Variants in EEFSEC observed in about 807,000 individuals in gnomAD.
EEFSEC encodes selenocysteine-specific elongation factor.
A neutral mutation model predicts 42.1 loss-of-function variants in EEFSEC; 43 were observed. That is an observed-to-expected ratio of 1.02 (90% confidence interval 0.80 to 1.32). EEFSEC has a LOEUF of 1.32. Among genes scored for constraint, EEFSEC ranks in the 40% most tolerant of loss-of-function variants. The pLI, the probability that EEFSEC is intolerant of heterozygous loss-of-function variation, is 0.00. For synonymous variants in EEFSEC, 354 were observed against 339.1 expected (o/e 1.04, Z -0.48); for missense variants, 745 against 803.6 (o/e 0.93, Z 0.88).
intron 1 of EEFSEC, among the ~76,000 whole-genome samples, chr3:128,220,896 C>A (rs2065855110): frequency 6.6e-6 from 1 of 152,248 alleles, no homozygotes; most frequent in Non-Finnish European, 1.5e-5. Context: ...GCACAGCTGG[C>A]AGTGCCAGGG....
At chr3:128,287,259 G>T (rs1176288799) in intron 4 of EEFSEC, among the ~76,000 whole-genome samples, 1 of 152,152 alleles carries the variant, frequency 6.6e-6, no homozygotes, top group Non-Finnish European at 1.5e-5. Context: ...AGGTGGAGAT[G>T]AGCTCAGAGA....
Position 128,169,532 on chromosome 3 carries a change from T to C in EEFSEC, c.316+15709T>C, listed in dbSNP as rs982621329. On this transcript the variant is annotated intron_variant, in intron 1 of 6. Coordinates refer to ENST00000254730, the MANE Select transcript of EEFSEC (RefSeq NM_021937.5). ...GCCTGGTCTCACTATGGCTATCCTA[T>C]TGGCCTTTATCCATCCTTAGTCTTA... 2.2e-4 allele frequency among the ~76,000 whole-genome samples: 33 copies of C among 152,226 alleles called. 1 individual carries two copies. The highest frequency in any genetic ancestry group is 1.5e-5 in the Non-Finnish European group (1 of 68,042).
chr3:128,403,019 G>C (rs1158229148), intron 6 of EEFSEC, among the ~76,000 whole-genome samples: 1 of 152,160 alleles, frequency 6.6e-6, no homozygotes, highest in Non-Finnish European at 1.5e-5. Flanking sequence ...AAGAGCTATA[G>C]GAAAAATAGT....
At chr3:128,185,305 T>C (rs1052327210) in intron 1 of EEFSEC, among the ~76,000 whole-genome samples, 1 of 152,112 alleles carries the variant, frequency 6.6e-6, no homozygotes, top group Non-Finnish European at 1.5e-5. Flanking sequence ...TTATTCATCA[T>C]TTTATAACTT....
At chr3:128,387,237 G>A (rs540105491) in intron 6 of EEFSEC, among the ~76,000 whole-genome samples, 1 of 152,316 alleles carries the variant, frequency 6.6e-6, no homozygotes, top group Admixed American at 6.5e-5. Context: ...TGGCTCCTGA[G>A]GACAGAGGCA....
At chr3:128,419,210 AAAG>A in the EEFSEC span, among the ~76,000 whole-genome samples, 2 of 152,204 alleles carry the variant, frequency 1.3e-5, no homozygotes, top group South Asian at 4.1e-4. Context: ...ATGTGTGCAC[AAAG>A]AAGTGGGGCA....
chr3:128,255,586 A>C (rs2066233896), intron 2 of EEFSEC, among the ~76,000 whole-genome samples: 1 of 152,230 alleles, frequency 6.6e-6, no homozygotes, highest in Non-Finnish European at 1.5e-5. Flanking sequence ...AGACTGGCGC[A>C]GAGGAAGTAC....
At chr3:128,259,249 G>A (rs943623834) in intron 2 of EEFSEC, among the ~76,000 whole-genome samples, 12 of 152,172 alleles carry the variant, frequency 7.9e-5, no homozygotes, top group African/African-American at 2.9e-4. Flanking sequence ...GAAGGTAAGG[G>A]TGGCTCTTCC....
chr3:128,378,690 C>G (rs1374003594), intron 6 of EEFSEC, among the ~76,000 whole-genome samples: 1 of 152,200 alleles, frequency 6.6e-6, no homozygotes. Flanking sequence ...AGGCAGCCCT[C>G]TCTCCTGTGC....
chr3:128,275,334 G>C (rs771976374), intron 4 of EEFSEC, among the ~76,000 whole-genome samples: 1 of 152,234 alleles, frequency 6.6e-6, no homozygotes, highest in South Asian at 2.1e-4. Flanking sequence ...ATCTTTGACT[G>C]TCTGAAGACC....
chr3:128,265,707 T>C (rs2066346395), intron 4 of EEFSEC, among the ~76,000 whole-genome samples: 1 of 152,162 alleles, frequency 6.6e-6, no homozygotes, highest in Admixed American at 6.5e-5. Context: ...GCATGTTAAT[T>C]GGGAATGGCT....
rs183729684 is a variant in EEFSEC at position 128,214,732 on chromosome 3, A to G, written c.317-32104A>G. Among the ~76,000 whole-genome samples the G allele has an allele frequency of 6.6e-5, 10 of 152,360 alleles. No homozygotes were observed. The East Asian group carries it at 1.9e-3, about 29-fold the overall frequency. ...GTTAACACTAGAATATTAATGATGTATGATAGGATTATAGAATTACCTGGG... is the reference window on the plus strand; with the variant it reads ...GTTAACACTAGAATATTAATGATGTGTGATAGGATTATAGAATTACCTGGG... On this transcript the variant is annotated intron_variant, in intron 1 of 6. Coordinates refer to ENST00000254730, the MANE Select transcript of EEFSEC (RefSeq NM_021937.5).
At chr3:128,231,045 C>T (rs971798728) in intron 1 of EEFSEC, among the ~76,000 whole-genome samples, 1 of 152,150 alleles carries the variant, frequency 6.6e-6, no homozygotes, top group African/African-American at 2.4e-5. Context: ...TATAGGACTG[C>T]ACTGTCCCCC....
chr3:128,382,348 C>T (rs1478294767), intron 6 of EEFSEC, among the ~76,000 whole-genome samples: 1 of 152,234 alleles, frequency 6.6e-6, no homozygotes, highest in Non-Finnish European at 1.5e-5. Flanking sequence ...CAACCCTATG[C>T]CCTCGTCTCA....
chr3:128,301,069 A>G (rs569495994), intron 4 of EEFSEC, among the ~76,000 whole-genome samples: 2 of 152,338 alleles, frequency 1.3e-5, no homozygotes, highest in East Asian at 3.9e-4. Context: ...GATGGAGAAG[A>G]ACCTATCAGC....
At chr3:128,280,792 C>A (rs1335516038) in intron 4 of EEFSEC, among the ~76,000 whole-genome samples, 1 of 152,220 alleles carries the variant, frequency 6.6e-6, no homozygotes, top group Non-Finnish European at 1.5e-5. Context: ...TCACTAGCCG[C>A]CCTGCATGAT....
intron 4 of EEFSEC, among the ~76,000 whole-genome samples, chr3:128,318,983 C>T (rs2066978682): frequency 6.6e-6 from 1 of 152,210 alleles, no homozygotes; most frequent in African/African-American, 2.4e-5. Flanking sequence ...TGTTCAAGTC[C>T]TGGACAGGGT....
At chr3:128,349,748 A>G (rs1352594340) in intron 5 of EEFSEC, among the ~76,000 whole-genome samples, 4 of 152,194 alleles carry the variant, frequency 2.6e-5, no homozygotes, top group African/African-American at 7.2e-5. Context: ...TTAGGTCCAC[A>G]CCACCTGCAG....
chr3:128,271,490 G>A (rs561029510), intron 4 of EEFSEC, among the ~76,000 whole-genome samples: 1 of 152,348 alleles, frequency 6.6e-6, no homozygotes, highest in Non-Finnish European at 1.5e-5. Context: ...GGCAGTGGAA[G>A]CTTACGGGAT....
Sources: allele counts gnomAD v4.1 joint callset (sites outside exome capture counted in the v4.1 genomes callset), GRCh38; gene constraint gnomAD v4.1.1; transcripts MANE v1.5; gene names NCBI Gene and HGNC (gene_info 2026-07-23, HGNC 2026-07-21).